The following ARHGEF10 variants were observed in gnomAD, a reference collection of about 807,000 sequenced individuals.
ARHGEF10 encodes the protein Rho guanine nucleotide exchange factor (GEF) 10.
A neutral mutation model predicts 147.4 loss-of-function variants in ARHGEF10; 140 were observed. The observed-to-expected ratio is 0.95, with a 90% CI of 0.83 to 1.09. The LOEUF (loss-of-function observed/expected upper bound fraction) is 1.09. ARHGEF10 is among the 50% of genes least tolerant of loss of function. The pLI, the probability that ARHGEF10 is intolerant of heterozygous loss-of-function variation, is 0.00. For missense variants in ARHGEF10, 2,222 were observed against 1,752.7 expected (o/e 1.27, Z -4.78); for synonymous variants, 902 against 695.8 (o/e 1.30, Z -4.67).
intron 27 of ARHGEF10, among the ~76,000 whole-genome samples, chr8:1,946,598 C>G (rs1034234390): frequency 6.6e-6 from 1 of 152,234 alleles, no homozygotes; most frequent in Non-Finnish European, 1.5e-5. Flanking sequence ...ATGAACTCAT[C>G]TAACCCTAAT....
intron 27 of ARHGEF10, chr8:1,946,039 GC>G: frequency 2.7e-6 from 1 of 375,666 alleles, no homozygotes; most frequent in South Asian, 2.4e-5. Flanking sequence ...CCTCCCTTTG[GC>G]TGGGAGGGCT....
intron 2 of ARHGEF10, among the ~76,000 whole-genome samples, chr8:1,850,737 C>T (rs1452145843): frequency 6.6e-6 from 1 of 152,178 alleles, no homozygotes; most frequent in Non-Finnish European, 1.5e-5. Context: ...CCACTCAATA[C>T]CTGCCCATAT....
At chr8:1,861,039 G>C (rs139460108) in intron 4 of ARHGEF10, among the ~76,000 whole-genome samples, 1 of 152,208 alleles carries the variant, frequency 6.6e-6, no homozygotes, top group East Asian at 1.9e-4. Flanking sequence ...CACTGAGGAC[G>C]GTGTTCCCTG....
intron 16 of ARHGEF10, chr8:1,903,884 A>G (rs897699875): frequency 7.9e-6 from 2 of 254,426 alleles, no homozygotes; most frequent in Non-Finnish European, 1.5e-5. Context: ...GCTGGAACCC[A>G]GGAGTTCAAG....
intron 28 of ARHGEF10, 113 bp from the exon 29 acceptor site, chr8:1,956,636 T>A: frequency 1.8e-6 from 2 of 1,114,234 alleles, no homozygotes; most frequent in Non-Finnish European, 2.7e-6. Flanking sequence ...ACTTACAGGC[T>A]TTGTTATTTG....
chr8:1,934,958 A>G (rs2129239780), intron 26 of ARHGEF10, among the ~76,000 whole-genome samples: 1 of 152,342 alleles, frequency 6.6e-6, no homozygotes, highest in Non-Finnish European at 1.5e-5. Context: ...AAGATTTCTT[A>G]TTAAACTAAG....
chr8:1,901,671 T>C (rs1810473751), intron 15 of ARHGEF10, among the ~76,000 whole-genome samples: 1 of 152,262 alleles, frequency 6.6e-6, no homozygotes, highest in Admixed American at 6.5e-5. Context: ...CCCCACGGCA[T>C]GTCGGACTCC....
chr8:1,951,559 T>C (rs980381660), intron 27 of ARHGEF10, among the ~76,000 whole-genome samples: 2 of 152,258 alleles, frequency 1.3e-5, no homozygotes, highest in African/African-American at 2.4e-5. Flanking sequence ...TCTTTGGCTC[T>C]GGTGTGAGGT....
intron 1 of ARHGEF10, among the ~76,000 whole-genome samples, chr8:1,835,715 C>T (rs185469238): frequency 1.3e-4 from 20 of 152,272 alleles, no homozygotes; most frequent in East Asian, 1.2e-3. Context: ...AGCACAGGTG[C>T]GGGTGTGTCC....
At chr8:1,854,756 C>T (rs1427346775) in intron 2 of ARHGEF10, among the ~76,000 whole-genome samples, 2 of 152,236 alleles carry the variant, frequency 1.3e-5, no homozygotes, top group Non-Finnish European at 2.9e-5. Context: ...TTGAAGCTTG[C>T]TCATCTGCTC....
At position 1,843,371 on chromosome 8, in the gene ARHGEF10, G is replaced by T. The variant is rs186575667; in HGVS notation, c.-29G>T. 6.8e-6 allele frequency: 11 copies of T among 1,612,684 alleles called. No individual in the cohort carries two copies. In the Admixed American group the frequency reaches 1.2e-4, roughly 17 times the overall value. ...CTTGCAGGAGCTCCTTCCCTTAACAGAGCTGAGAGAGGCATCTGGAGCTGC... is the reference window on the plus strand; with the variant it reads ...CTTGCAGGAGCTCCTTCCCTTAACATAGCTGAGAGAGGCATCTGGAGCTGC... On this transcript the variant is annotated 5_prime_UTR_variant, in exon 2 of 29. Coordinates refer to ENST00000349830, the MANE Select transcript of ARHGEF10 (RefSeq NM_014629.4).
chr8:1,957,501 C>T lies in ARHGEF10; in HGVS notation c.*238C>T, dbSNP rs530979351. 1.9e-5 allele frequency: 12 copies of T among 624,232 alleles called. No homozygotes were observed. The highest frequency in any genetic ancestry group is 2.8e-5 in the East Asian group (1 of 35,472). The allele number at this position is 624,232 out of a possible 1,614,324, so 38.7% of individuals were successfully genotyped here. ...GAAGGCAGAAGACTGATGCAATTTTCGAGTAATTGAGTGCAGTTCTGGGAA... is the reference window on the plus strand; with the variant it reads ...GAAGGCAGAAGACTGATGCAATTTTTGAGTAATTGAGTGCAGTTCTGGGAA... On this transcript the variant is annotated 3_prime_UTR_variant, in exon 29 of 29. Coordinates refer to ENST00000349830, the MANE Select transcript of ARHGEF10 (RefSeq NM_014629.4).
rs75068278 is a variant in ARHGEF10 at position 1,945,139 on chromosome 8, G to C, written c.3223-342G>C. Among the ~76,000 whole-genome samples, 1,431 of 152,346 alleles carry C rather than the reference G, an allele frequency of 9.4e-3. 22 individuals are homozygous for C. The highest frequency in any genetic ancestry group is 0.032 in the African/African-American group (1,339 of 41,580). ...CTTGGAGACATCGAGGAAGGTTCCA[G>C]CAGGTTCTGATGGGCCTGGGGGGAT... On this transcript the variant is annotated intron_variant, in intron 26 of 28. Coordinates refer to ENST00000349830, the MANE Select transcript of ARHGEF10 (RefSeq NM_014629.4).
At chr8:1,835,106 C>A (rs1807247) in intron 1 of ARHGEF10, among the ~76,000 whole-genome samples, 2 of 152,106 alleles carry the variant, frequency 1.3e-5, no homozygotes, top group African/African-American at 2.4e-5. Flanking sequence ...TCCCACGCTC[C>A]TGCATTCTGT....
chr8:1,946,119 C>T (rs1010878931), intron 27 of ARHGEF10, among the ~76,000 whole-genome samples: 1 of 152,122 alleles, frequency 6.6e-6, no homozygotes, highest in African/African-American at 2.4e-5. Context: ...ACTGAAGTTT[C>T]TGGGCAGGGG....
Position 1,921,006 on chromosome 8 carries a change from G to A in ARHGEF10, c.2144-1958G>A, listed in dbSNP as rs181217854. Among the ~76,000 whole-genome samples the A allele has an allele frequency of 5.5e-3, 832 of 152,226 alleles. 5 individuals are homozygous for A. Among genetic ancestry groups the A allele is most frequent in the Middle Eastern group, 0.014 (4 of 294 alleles). The stretch of plus-strand genomic sequence containing the variant: ...TCTCCATGTTGATCAGGCTGGCCTC[G>A]AACTCTCGACCTCAGGTGATCCTCC... On this transcript the variant is annotated intron_variant, in intron 18 of 28. Coordinates refer to ENST00000349830, the MANE Select transcript of ARHGEF10 (RefSeq NM_014629.4).
At chr8:1,874,547 A>G (rs3735870) in intron 7 of ARHGEF10, among the ~76,000 whole-genome samples, 74,744 of 152,164 alleles carry the variant, frequency 0.49, 18,748 homozygotes, top group African/African-American at 0.56. Context: ...ATGCGAGGAA[A>G]TAGGGGATGG....
chr8:1,872,858 G>C (rs1353007218), intron 7 of ARHGEF10, among the ~76,000 whole-genome samples: 1 of 152,242 alleles, frequency 6.6e-6, no homozygotes, highest in Admixed American at 6.5e-5. Flanking sequence ...CATGGAGATA[G>C]GGTGATTTCA....
chr8:1,926,479 T>C lies in ARHGEF10; in HGVS notation c.2697+16T>C. The C allele has an allele frequency of 6.2e-7, 1 of 1,608,728 alleles. No individual in the cohort carries two copies. Among genetic ancestry groups the C allele is most frequent in the Non-Finnish European group, 8.5e-7 (1 of 1,175,082 alleles). On this transcript the variant is annotated intron_variant, in intron 23 of 28. Coordinates refer to ENST00000349830, the MANE Select transcript of ARHGEF10 (RefSeq NM_014629.4). ...TTTCCTGTGGGTAAGATGTGTTTAT[T>C]TGGTTTTGGTACAAGTTCACAGAGA...
Sources: allele counts gnomAD v4.1 joint callset (sites outside exome capture counted in the v4.1 genomes callset), GRCh38; gene constraint gnomAD v4.1.1; transcripts MANE v1.5; gene names NCBI Gene and HGNC (gene_info 2026-07-23, HGNC 2026-07-21).